The following SGCZ variants were observed in gnomAD, a reference collection of about 807,000 sequenced individuals.
SGCZ encodes the protein zeta-sarcoglycan.
In SGCZ, 40 loss-of-function variants were observed where a neutral mutation model predicts 41.3. The ratio of observed to expected loss-of-function variants is 0.97; its 90% CI spans 0.75 to 1.26. The LOEUF (loss-of-function observed/expected upper bound fraction) is 1.26, where lower values mean the gene tolerates loss of function less well. Ranked by LOEUF, SGCZ falls within the 50% of genes most tolerant of loss-of-function variation. SGCZ has a pLI of 0.00. For missense variants in SGCZ, 552 were observed against 369.8 expected, an observed-to-expected ratio of 1.49 and a Z score of -4.04; for synonymous variants, 206 against 137.5, an observed-to-expected ratio of 1.50 and a Z score of -3.49.
intron 2 of SGCZ, among the ~76,000 whole-genome samples, chr8:14,413,165 T>C (rs79682707): frequency 1.3e-5 from 2 of 151,960 alleles, no homozygotes; most frequent in African/African-American, 2.4e-5. Flanking sequence ...TAGCGTGAGA[T>C]AGTAACACCA....
rs758797382 is a variant in SGCZ, at chr8:14,712,044, G to A, written c.40-157118C>T. Among the ~76,000 whole-genome samples, 133 of 152,108 alleles carry A rather than the reference G, an allele frequency of 8.7e-4. 1 individual carries two copies. The highest frequency in any genetic ancestry group is 5.9e-4 in the Non-Finnish European group (40 of 67,962). ...AGCACTTTTGGAGGCTGAGGTGGGTGGATCACCTGAGGTCAGGAGTTCAAG... is the reference window on the plus strand; with the variant it reads ...AGCACTTTTGGAGGCTGAGGTGGGTAGATCACCTGAGGTCAGGAGTTCAAG... On this transcript the variant is annotated intron_variant, in intron 1 of 7. Transcript: ENST00000382080.
At chr8:14,493,359 CTTTTTTTTTTTTT>C (rs57898016) in intron 2 of SGCZ, among the ~76,000 whole-genome samples, 56 of 44,278 alleles carry the variant, frequency 1.3e-3, no homozygotes, top group African/African-American at 3.8e-3. Flanking sequence ...ATCATCCTTT[CTTTTTTTTTTTTT>C]TTTTTTTTTT....
chr8:14,716,090 G>A (rs1240847964), intron 1 of SGCZ, among the ~76,000 whole-genome samples: 1 of 151,884 alleles, frequency 6.6e-6, no homozygotes, highest in Non-Finnish European at 1.5e-5. Context: ...CTTAAACAAG[G>A]CCGATAAAGT....
At chr8:15,106,524 G>A (rs1022473513) in intron 1 of SGCZ, among the ~76,000 whole-genome samples, 2 of 151,980 alleles carry the variant, frequency 1.3e-5, no homozygotes, top group Non-Finnish European at 2.9e-5. Flanking sequence ...TATTGTAAAT[G>A]AAACTTTTCC....
chr8:15,021,629 C>T (rs903945233), intron 1 of SGCZ, among the ~76,000 whole-genome samples: 1 of 152,188 alleles, frequency 6.6e-6, no homozygotes, highest in Non-Finnish European at 1.5e-5. Flanking sequence ...GAGAACACTA[C>T]TCACCCTGCG....
chr8:14,854,420 C>A (rs1366974886), intron 1 of SGCZ, among the ~76,000 whole-genome samples: 1 of 151,666 alleles, frequency 6.6e-6, no homozygotes, highest in African/African-American at 2.4e-5. Context: ...ATATCTAAAG[C>A]AGAAAGAAAA....
At chr8:14,225,211 G>A (rs981106238) in intron 4 of SGCZ, among the ~76,000 whole-genome samples, 9 of 151,900 alleles carry the variant, frequency 5.9e-5, no homozygotes, top group Non-Finnish European at 8.8e-5. Context: ...TTTTATTGTG[G>A]TTTAAGAAGG....
At chr8:14,441,621 T>C (rs1333983925) in intron 2 of SGCZ, among the ~76,000 whole-genome samples, 4 of 152,276 alleles carry the variant, frequency 2.6e-5, no homozygotes, top group African/African-American at 7.2e-5. Flanking sequence ...ATTTCATTTC[T>C]GGAGTTAGAG....
At chr8:14,827,154 A>G (rs1802357462) in intron 1 of SGCZ, among the ~76,000 whole-genome samples, 1 of 134,658 alleles carries the variant, frequency 7.4e-6, no homozygotes, top group African/African-American at 3.1e-5. Flanking sequence ...AAGTTCCAAG[A>G]ATGGAAGTTT....
At chr8:14,650,783 C>G (rs899753472) in intron 1 of SGCZ, among the ~76,000 whole-genome samples, 1 of 151,926 alleles carries the variant, frequency 6.6e-6, no homozygotes, top group African/African-American at 2.4e-5. Context: ...CTACCTACTC[C>G]GGCTCGTTCA....
intron 1 of SGCZ, among the ~76,000 whole-genome samples, chr8:14,608,318 G>C (rs1248068569): frequency 6.6e-6 from 1 of 151,600 alleles, no homozygotes; most frequent in Non-Finnish European, 1.5e-5. Context: ...AATTACTTGA[G>C]GCTGGGTAAT....
At chr8:14,507,943 G>C (rs1379786021) in intron 2 of SGCZ, among the ~76,000 whole-genome samples, 1 of 151,850 alleles carries the variant, frequency 6.6e-6, no homozygotes, top group East Asian at 1.9e-4. Flanking sequence ...GGCTAATTTT[G>C]TATTTTTAGT....
chr8:14,231,295 G>C (rs1181598171), intron 4 of SGCZ, among the ~76,000 whole-genome samples: 2 of 151,702 alleles, frequency 1.3e-5, no homozygotes, highest in Non-Finnish European at 2.9e-5. Flanking sequence ...GAGTGTGTCT[G>C]TCTTGAATGT....
intron 2 of SGCZ, among the ~76,000 whole-genome samples, chr8:14,379,706 C>T (rs1204182136): frequency 6.6e-6 from 1 of 151,908 alleles, no homozygotes; most frequent in African/African-American, 2.4e-5. Flanking sequence ...GGAGCTCCTA[C>T]CCTACAATAT....
intron 4 of SGCZ, among the ~76,000 whole-genome samples, chr8:14,212,423 C>G (rs181438017): frequency 1.4e-5 from 2 of 147,476 alleles, no homozygotes; most frequent in East Asian, 2.0e-4. Flanking sequence ...ATAGATGATC[C>G]CCCTGCCTCT....
At chr8:14,110,498 A>T (rs114477703) in intron 5 of SGCZ, among the ~76,000 whole-genome samples, 1 of 152,192 alleles carries the variant, frequency 6.6e-6, no homozygotes, top group Non-Finnish European at 1.5e-5. Flanking sequence ...CTGAGTGCCA[A>T]TATAAAAATA....
At chr8:14,523,544 C>A (rs770570185) in intron 2 of SGCZ, among the ~76,000 whole-genome samples, 1 of 151,994 alleles carries the variant, frequency 6.6e-6, no homozygotes, top group Non-Finnish European at 1.5e-5. Context: ...TCATATTCTT[C>A]TTTTCTTCTA....
intron 4 of SGCZ, among the ~76,000 whole-genome samples, chr8:14,188,653 C>T (rs1804984050): frequency 6.6e-6 from 1 of 152,018 alleles, no homozygotes; most frequent in Admixed American, 6.6e-5. Context: ...TATTAAAAAC[C>T]ACTGCATTGT....
At chr8:14,464,654 T>C (rs1325273392) in intron 2 of SGCZ, among the ~76,000 whole-genome samples, 1 of 151,578 alleles carries the variant, frequency 6.6e-6, no homozygotes, top group Non-Finnish European at 1.5e-5. Flanking sequence ...TAGTTTGTTC[T>C]TCTTTTTATC....
Sources: gnomAD v4.1 joint callset for allele counts (sites outside exome capture counted in the v4.1 genomes callset) on GRCh38, gnomAD v4.1.1 for gene constraint, MANE v1.5 for transcripts, NCBI Gene and HGNC (gene_info 2026-07-23, HGNC 2026-07-21) for gene names.